CHST8: variants seen among roughly 807,000 people sequenced by gnomAD.
The protein encoded by CHST8 is carbohydrate sulfotransferase 8.
A neutral mutation model predicts 15.0 loss-of-function variants in CHST8; 10 were observed. The observed-to-expected ratio is 0.67, with a 90% CI of 0.41 to 1.13. The LOEUF (loss-of-function observed/expected upper bound fraction) is 1.13. CHST8 is among the 50% of genes most tolerant of loss of function. The pLI is 0.00. For synonymous variants in CHST8, 259 were observed against 256.6 expected (o/e 1.01, Z -0.09); for missense variants, 634 against 608.2 (o/e 1.04, Z -0.45).
At position 33,625,360 on chromosome 19, in the gene CHST8, C is replaced by T. The variant is rs184739100; in HGVS notation, c.-164+3064C>T. ...CCTCCCAGAGTGTTGGGATTACAGG[C>T]GTGAGCTACCGCGCCCCGCATGGCT... On this transcript the variant is annotated intron_variant, in intron 1 of 4. Transcript: ENST00000650847. Among the ~76,000 whole-genome samples, 1,063 of 151,490 alleles carry T rather than the reference C, an allele frequency of 7.0e-3. 12 individuals are homozygous for T. Among genetic ancestry groups the T allele is most frequent in the Admixed American group, 0.011 (164 of 15,198 alleles).
rs147987176 is a variant in CHST8 at position 33,755,347 on chromosome 19, C to G, written c.131-16066C>G. 9.7e-4 allele frequency among the ~76,000 whole-genome samples: 148 copies of G among 152,362 alleles called. 1 individual carries two copies. Among genetic ancestry groups the G allele is most frequent in the African/African-American group, 3.4e-3 (143 of 41,586 alleles). On this transcript the variant is annotated intron_variant, in intron 3 of 4. Coordinates refer to ENST00000650847, the MANE Select transcript of CHST8 (RefSeq NM_001127895.2). ...ATGCTAGCAGCCGTCGTAAGCATCCCCCATGTGATTTATTGCCATCATCAC... is the reference window on the plus strand; with the variant it reads ...ATGCTAGCAGCCGTCGTAAGCATCCGCCATGTGATTTATTGCCATCATCAC...
Position 33,658,321 on chromosome 19 carries a change from CAG to C in CHST8, c.-163-9443_-163-9442del, listed in dbSNP as rs1223940283. ...CACCACTGCACTCCAGCCTGGGTGA[CAG>C]AGTGAAACTCCGTCCCAAAAAAACC... On this transcript the variant is annotated intron_variant, in intron 1 of 4. Coordinates refer to ENST00000650847, the MANE Select transcript of CHST8 (RefSeq NM_001127895.2). Among the ~76,000 whole-genome samples the C allele has an allele frequency of 5.3e-5, 8 of 152,278 alleles. No homozygotes were observed. In the East Asian group the frequency reaches 1.4e-3, roughly 26 times the overall value.
chr19:33,683,209 T>A (rs1383522063), intron 2 of CHST8, among the ~76,000 whole-genome samples: 1 of 152,140 alleles, frequency 6.6e-6, no homozygotes, highest in Non-Finnish European at 1.5e-5. Flanking sequence ...CACCATGAGA[T>A]TTGGAGGGGA....
At chr19:33,743,605 A>G (rs1220936017) in intron 3 of CHST8, among the ~76,000 whole-genome samples, 1 of 151,332 alleles carries the variant, frequency 6.6e-6, no homozygotes, top group Non-Finnish European at 1.5e-5. Context: ...CCGGCCTACC[A>G]CAGCAATTCT....
chr19:33,727,233 T>G (rs1240030650), intron 3 of CHST8, among the ~76,000 whole-genome samples: 1 of 152,030 alleles, frequency 6.6e-6, no homozygotes, highest in African/African-American at 2.4e-5. Context: ...CTTGGTACCT[T>G]GGGCATCCCC....
At position 33,735,376 on chromosome 19, in the gene CHST8, G is replaced by A. The variant is rs563030506; in HGVS notation, c.131-36037G>A. On this transcript the variant is annotated intron_variant, in intron 3 of 4. Transcript: ENST00000650847. ...CCGTCAAATGCACCCCTGGCAGCAG[G>A]AGAGTGTGAATGGGACCGGGAACAG... is the stretch of plus-strand genomic sequence containing the variant. 8.5e-5 allele frequency among the ~76,000 whole-genome samples: 13 copies of A among 152,390 alleles called. No homozygotes were observed. The South Asian group carries it at 2.7e-3, about 32-fold the overall frequency.
intron 3 of CHST8, among the ~76,000 whole-genome samples, chr19:33,748,719 C>T (rs1974358914): frequency 6.6e-6 from 1 of 152,178 alleles, no homozygotes; most frequent in African/African-American, 2.4e-5. Context: ...TCCCATTATA[C>T]AGATAGTGAA....
At chr19:33,750,801 G>A (rs997363922) in intron 3 of CHST8, among the ~76,000 whole-genome samples, 1 of 152,128 alleles carries the variant, frequency 6.6e-6, no homozygotes, top group African/African-American at 2.4e-5. Context: ...CCTGGGCCAA[G>A]CCTCCTGGCT....
intron 3 of CHST8, among the ~76,000 whole-genome samples, chr19:33,759,049 C>G (rs555263820): frequency 2.0e-5 from 3 of 152,276 alleles, no homozygotes; most frequent in Admixed American, 2.0e-4. Flanking sequence ...TTCACAACAA[C>G]CAGATCTCAT....
chr19:33,727,316 A>G (rs985162697), intron 3 of CHST8, among the ~76,000 whole-genome samples: 1 of 152,142 alleles, frequency 6.6e-6, no homozygotes, highest in African/African-American at 2.4e-5. Context: ...CCGACCCAGG[A>G]GGCTGAACCA....
intron 3 of CHST8, among the ~76,000 whole-genome samples, chr19:33,698,466 A>G (rs1233616760): frequency 6.6e-6 from 1 of 152,042 alleles, no homozygotes; most frequent in Non-Finnish European, 1.5e-5. Context: ...CCGTGGGCAG[A>G]GAGCAGACAG....
chr19:33,768,572 C>T (rs1182279345), intron 3 of CHST8, among the ~76,000 whole-genome samples: 3 of 152,038 alleles, frequency 2.0e-5, no homozygotes, highest in African/African-American at 4.8e-5. Flanking sequence ...ATGTCTCAGC[C>T]TACTGAGTAG....
intron 2 of CHST8, among the ~76,000 whole-genome samples, chr19:33,677,483 G>A (rs1157423279): frequency 6.6e-6 from 1 of 152,164 alleles, no homozygotes; most frequent in Non-Finnish European, 1.5e-5. Flanking sequence ...GAAAGATGGT[G>A]AGACCGGCCG....
At chr19:33,696,284 T>C (rs543517997) in intron 3 of CHST8, among the ~76,000 whole-genome samples, 16 of 152,244 alleles carry the variant, frequency 1.1e-4, no homozygotes, top group Middle Eastern at 3.4e-3. Flanking sequence ...GATTCCTGGA[T>C]TGAATGGTAG....
At chr19:33,682,923 G>A (rs536930763) in intron 2 of CHST8, among the ~76,000 whole-genome samples, 7 of 152,212 alleles carry the variant, frequency 4.6e-5, no homozygotes, top group Non-Finnish European at 5.9e-5. Context: ...CAGGAAGCAT[G>A]GTGTTGGCAT....
chr19:33,770,682 G>A (rs939634640), intron 3 of CHST8, among the ~76,000 whole-genome samples: 2 of 152,204 alleles, frequency 1.3e-5, no homozygotes, highest in Admixed American at 1.3e-4. Flanking sequence ...GGCCATTGAT[G>A]CACTGGTCTC....
chr19:33,765,063 T>TAA (rs1974806388), intron 3 of CHST8, among the ~76,000 whole-genome samples: 1 of 142,754 alleles, frequency 7.0e-6, no homozygotes, highest in African/African-American at 2.8e-5. Context: ...CATATATATA[T>TAA]ATATATATAT....
At chr19:33,645,456 G>C (rs921519761) in intron 1 of CHST8, among the ~76,000 whole-genome samples, 1 of 152,190 alleles carries the variant, frequency 6.6e-6, no homozygotes, top group Non-Finnish European at 1.5e-5. Context: ...GGCAGTGGAC[G>C]TGAGCAGATG....
intron 3 of CHST8, among the ~76,000 whole-genome samples, chr19:33,690,574 A>C (rs1973082960): frequency 6.6e-6 from 1 of 152,108 alleles, no homozygotes; most frequent in African/African-American, 2.4e-5. Flanking sequence ...GAATGAGTTG[A>C]GAGTCAGAGG....
Sources: allele counts gnomAD v4.1 joint callset (sites outside exome capture counted in the v4.1 genomes callset), GRCh38; gene constraint gnomAD v4.1.1; transcripts MANE v1.5; gene names NCBI Gene and HGNC (gene_info 2026-07-23, HGNC 2026-07-21).